The following NBEA variants were observed in gnomAD, a reference collection of about 807,000 sequenced individuals.
The protein encoded by NBEA is lysosomal-trafficking regulator 2.
In NBEA, 44 loss-of-function variants were observed where a neutral mutation model predicts 343.4. That is an observed-to-expected ratio of 0.13 (90% CI 0.10 to 0.16). NBEA has a LOEUF of 0.16. NBEA is among the 10% of genes least tolerant of loss of function. The pLI is 1.00. For missense variants in NBEA, 2,555 were observed against 3,631.3 expected (o/e 0.70, Z 7.62); for synonymous variants, 1,175 against 1,238.7 (o/e 0.95, Z 1.08).
At chr13:35,317,825 C>G (rs2037848972) in intron 36 of NBEA, among the ~76,000 whole-genome samples, 1 of 152,104 alleles carries the variant, frequency 6.6e-6, no homozygotes, top group African/African-American at 2.4e-5. Context: ...CTTCACATCC[C>G]TTGTGAGTTG....
chr13:35,582,416 T>G (rs1593285725), intron 45 of NBEA, among the ~76,000 whole-genome samples: 1 of 152,176 alleles, frequency 6.6e-6, no homozygotes, highest in Admixed American at 6.5e-5. Flanking sequence ...TTTTAAATAT[T>G]AAGATTTTAT....
chr13:35,201,180 A>G (rs1013706077), intron 31 of NBEA, among the ~76,000 whole-genome samples: 7 of 151,972 alleles, frequency 4.6e-5, no homozygotes, highest in Admixed American at 1.3e-4. Context: ...TTTAAGGTCA[A>G]TTGCTGGAAG....
At position 35,142,342 on chromosome 13, in the gene NBEA, A is replaced by G; in HGVS notation, c.2410A>G (p.Thr804Ala). The change falls in exon 18 of 59, where the codon ACT becomes GCT. Residue 804 changes from threonine (T) to alanine (A), a missense_variant. By Grantham distance (58) the Thr-to-Ala change is moderately conservative. Transcript: ENST00000379939. The stretch of plus-strand genomic sequence containing the variant: ...AGAAAGGCTGATGTTGCATACAAAC[A>G]CTGTGACTGTCACCACATACAACAC... ...LGERLMLHTN[T>A]VTVTTYNTLY... 3 of 1,613,206 alleles carry G rather than the reference A, an allele frequency of 1.9e-6. No homozygotes were observed. The highest frequency in any genetic ancestry group is 2.5e-6 in the Non-Finnish European group (3 of 1,179,422).
intron 41 of NBEA, among the ~76,000 whole-genome samples, chr13:35,532,399 T>G (rs2078307815): frequency 6.6e-6 from 1 of 152,162 alleles, no homozygotes; most frequent in Non-Finnish European, 1.5e-5. Flanking sequence ...GGGGTATTTT[T>G]CCATATATAT....
chr13:35,413,662 A>C (rs929470560), intron 38 of NBEA, among the ~76,000 whole-genome samples: 1 of 152,166 alleles, frequency 6.6e-6, no homozygotes, highest in Admixed American at 6.6e-5. Context: ...GAACATCATT[A>C]TATCAATAGT....
intron 49 of NBEA, among the ~76,000 whole-genome samples, chr13:35,630,508 T>C (rs969460557): frequency 2.0e-5 from 3 of 152,222 alleles, no homozygotes; most frequent in Non-Finnish European, 4.4e-5. Flanking sequence ...CTTCTAGTGA[T>C]GCAGACTCTC....
At chr13:35,243,218 A>G (rs1287946377) in intron 34 of NBEA, among the ~76,000 whole-genome samples, 1 of 151,856 alleles carries the variant, frequency 6.6e-6, no homozygotes, top group African/African-American at 2.4e-5. Flanking sequence ...GAACTGTTAT[A>G]ATTTTAAGAT....
intron 44 of NBEA, among the ~76,000 whole-genome samples, chr13:35,559,133 T>C (rs1351665423): frequency 1.3e-5 from 2 of 152,178 alleles, no homozygotes; most frequent in African/African-American, 4.8e-5. Context: ...ATTAAAGACA[T>C]GGGTGATGGT....
At chr13:35,044,716 GA>G (rs1418069052) in intron 2 of NBEA, among the ~76,000 whole-genome samples, 2 of 151,052 alleles carry the variant, frequency 1.3e-5, no homozygotes, top group African/African-American at 4.9e-5. Context: ...TTTAATGGGG[GA>G]AAATCATGTA....
At chr13:35,041,650 T>G (rs2062654577) in intron 2 of NBEA, among the ~76,000 whole-genome samples, 2 of 151,964 alleles carry the variant, frequency 1.3e-5, no homozygotes, top group South Asian at 4.1e-4. Flanking sequence ...GAAGAAACTT[T>G]TGTATTAAAA....
chr13:35,651,951 G>A (rs2084543788), intron 53 of NBEA, 75 bp downstream of exon 53: 7 of 849,350 alleles, frequency 8.2e-6, no homozygotes, highest in Non-Finnish European at 1.9e-6. Flanking sequence ...TCATAAGATA[G>A]TTGAACAATA....
At chr13:34,980,274 A>G (rs1006310417) in intron 1 of NBEA, among the ~76,000 whole-genome samples, 3 of 151,900 alleles carry the variant, frequency 2.0e-5, no homozygotes, top group Non-Finnish European at 2.9e-5. Context: ...TGTTGAATAC[A>G]TAGTTTAATG....
intron 24 of NBEA, among the ~76,000 whole-genome samples, chr13:35,165,594 A>T (rs796946994): frequency 3.0e-4 from 45 of 152,132 alleles, no homozygotes; most frequent in African/African-American, 1.0e-3. Context: ...CTGGTGATTT[A>T]TACCAAATTC....
intron 41 of NBEA, among the ~76,000 whole-genome samples, chr13:35,483,313 A>T (rs2152968074): frequency 6.6e-6 from 1 of 152,040 alleles, no homozygotes; most frequent in Middle Eastern, 3.4e-3. Context: ...TTTGAGGCAT[A>T]TTTGTAATGT....
At chr13:34,955,514 G>A (rs1298505473) in intron 1 of NBEA, among the ~76,000 whole-genome samples, 2 of 152,054 alleles carry the variant, frequency 1.3e-5, no homozygotes, top group African/African-American at 4.8e-5. Context: ...GACGTCTTGT[G>A]AAAGGGATCT....
At chr13:35,621,436 A>G (rs2082985683) in intron 48 of NBEA, among the ~76,000 whole-genome samples, 2 of 151,824 alleles carry the variant, frequency 1.3e-5, no homozygotes, top group African/African-American at 2.4e-5. Context: ...TAAACTAGCA[A>G]TCCTCCCCCA....
At chr13:35,037,497 TTTA>T (rs1226475933) in intron 1 of NBEA, among the ~76,000 whole-genome samples, 2 of 152,162 alleles carry the variant, frequency 1.3e-5, no homozygotes, top group Non-Finnish European at 2.9e-5. Flanking sequence ...GAGTTAGGTA[TTTA>T]TTGTACTCTT....
chr13:35,119,663 G>GCAAGCTCCACTTCC (rs1274080116), intron 16 of NBEA, among the ~76,000 whole-genome samples: 1 of 152,076 alleles, frequency 6.6e-6, no homozygotes, highest in African/African-American at 2.4e-5. Context: ...TCAGCTCACT[G>GCAAGCTCCACTTCC]CAAGCTCCAC....
At chr13:35,028,742 A>T (rs1365441354) in intron 1 of NBEA, among the ~76,000 whole-genome samples, 1 of 151,446 alleles carries the variant, frequency 6.6e-6, no homozygotes, top group Non-Finnish European at 1.5e-5. Context: ...ATCACCCCCT[A>T]CAGAACCTTT....
Sources: gnomAD v4.1 joint callset for allele counts (sites outside exome capture counted in the v4.1 genomes callset) on GRCh38, gnomAD v4.1.1 for gene constraint, MANE v1.5 for transcripts, NCBI Gene and HGNC (gene_info 2026-07-23, HGNC 2026-07-21) for gene names.